The following MALRD1 variants were observed in gnomAD, a reference collection of about 807,000 sequenced individuals.
MALRD1 encodes MAM and LDL-receptor class A domain-containing protein 1.
In MALRD1, 247 loss-of-function variants were observed where a neutral mutation model predicts 242.1. The ratio of observed to expected loss-of-function variants is 1.02; its 90% CI spans 0.92 to 1.13. The LOEUF (loss-of-function observed/expected upper bound fraction) is 1.13, where lower values mean the gene tolerates loss of function less well. MALRD1 is among the 50% of genes most tolerant of loss of function. The pLI, the probability that MALRD1 is intolerant of heterozygous loss-of-function variation, is 0.00. For missense variants in MALRD1, 2,989 were observed against 2,533.1 expected, an observed-to-expected ratio of 1.18 and a Z score of -3.86; for synonymous variants, 995 against 866.6, an observed-to-expected ratio of 1.15 and a Z score of -2.60.
At chr10:19,643,230 G>A (rs891235183) in intron 36 of MALRD1, among the ~76,000 whole-genome samples, 3 of 152,090 alleles carry the variant, frequency 2.0e-5, no homozygotes, top group African/African-American at 4.8e-5. Context: ...TCGGGAGTTC[G>A]TGACCAGCCT....
chr10:19,469,960 C>T (rs148128527), intron 29 of MALRD1, among the ~76,000 whole-genome samples: 1 of 152,090 alleles, frequency 6.6e-6, no homozygotes, highest in East Asian at 1.9e-4. Flanking sequence ...ATGGTAAAAA[C>T]ACTAAACATA....
intron 5 of MALRD1, among the ~76,000 whole-genome samples, chr10:19,115,180 G>T (rs1235606834): frequency 6.6e-6 from 1 of 152,170 alleles, no homozygotes; most frequent in East Asian, 1.9e-4. Context: ...TGCTTACCCT[G>T]CCTCCCCTGC....
intron 29 of MALRD1, among the ~76,000 whole-genome samples, chr10:19,469,637 C>G (rs574130745): frequency 4.6e-5 from 7 of 152,088 alleles, no homozygotes; most frequent in African/African-American, 1.7e-4. Flanking sequence ...AAACCTCATC[C>G]ACACAGAATT....
In MALRD1 at chr10:19,692,256, A is replaced by G. The variant is rs1049794323; in HGVS notation, c.6138-26A>G. Reference sequence around the variant, plus strand: ...TATCTTTTCACTTTTCTTTTTTCCAACTATTTTATTTTATCTCCTTTCCAG... The same window carrying G: ...TATCTTTTCACTTTTCTTTTTTCCAGCTATTTTATTTTATCTCCTTTCCAG... On this transcript the variant is annotated intron_variant, in intron 36 of 39. Transcript: ENST00000454679. 8.6e-6 allele frequency: 13 copies of G among 1,504,396 alleles called. No individual in the cohort carries two copies. The African/African-American group carries it at 1.4e-4, about 16-fold the overall frequency. 93.2% of individuals were successfully genotyped at this position (1,504,396 alleles called of 1,614,324 possible).
At chr10:19,340,221 A>G (rs1350728683) in intron 24 of MALRD1, among the ~76,000 whole-genome samples, 1 of 152,156 alleles carries the variant, frequency 6.6e-6, no homozygotes, top group Non-Finnish European at 1.5e-5. Context: ...TAATCACATC[A>G]CAGAGAATGG....
intron 21 of MALRD1, among the ~76,000 whole-genome samples, chr10:19,314,602 T>C (rs186477011): frequency 6.6e-6 from 1 of 151,786 alleles, no homozygotes; most frequent in East Asian, 1.9e-4. Context: ...GCTGAATCTT[T>C]ATCTGTAGAA....
chr10:19,220,006 C>T (rs1256760832), intron 18 of MALRD1, among the ~76,000 whole-genome samples: 4 of 152,100 alleles, frequency 2.6e-5, no homozygotes, highest in Non-Finnish European at 5.9e-5. Context: ...CAATTTTAAA[C>T]CTAGACAGTT....
chr10:19,379,694 C>T (rs1845755065), intron 26 of MALRD1, among the ~76,000 whole-genome samples: 4 of 152,004 alleles, frequency 2.6e-5, no homozygotes, highest in African/African-American at 7.2e-5. Flanking sequence ...GTTTTATGGC[C>T]TTTTATATGG....
At chr10:19,446,951 A>G (rs1835017495) in intron 28 of MALRD1, among the ~76,000 whole-genome samples, 1 of 152,122 alleles carries the variant, frequency 6.6e-6, no homozygotes, top group African/African-American at 2.4e-5. Flanking sequence ...AAATCAGGAT[A>G]TTAAGTAAAT....
At chr10:19,393,964 C>T (rs1284324715) in intron 28 of MALRD1, among the ~76,000 whole-genome samples, 2 of 152,130 alleles carry the variant, frequency 1.3e-5, no homozygotes, top group Non-Finnish European at 2.9e-5. Context: ...AGAGCATTAT[C>T]TTCTTTTGGA....
Position 19,209,640 on chromosome 10 carries a change from T to C in MALRD1, c.2951T>C (p.Ile984Thr). The C allele has an allele frequency of 6.4e-7, 1 of 1,550,904 alleles. No homozygotes were observed. The highest frequency in any genetic ancestry group is 1.2e-5 in the South Asian group (1 of 84,038). Residue 984 changes from isoleucine (I) to threonine (T), a missense_variant, in exon 18 of 40, where the codon ATT becomes ACT. By Grantham distance (89) the Ile-to-Thr change is moderately conservative (BLOSUM62 -1). Transcript: ENST00000454679. ...QIFGNQGNRW[I>T]RKHLNISSRQ... ...TTTGGGAATCAAGGCAACAGATGGATTAGGAAACACCTCAACATTTCCAGC... is the reference window on the plus strand; with the variant it reads ...TTTGGGAATCAAGGCAACAGATGGACTAGGAAACACCTCAACATTTCCAGC...
intron 36 of MALRD1, among the ~76,000 whole-genome samples, chr10:19,650,627 T>C (rs112714982): frequency 1.6e-4 from 24 of 152,310 alleles, no homozygotes; most frequent in African/African-American, 5.5e-4. Context: ...AATGGAATTA[T>C]ATTGTTGTGA....
chr10:19,171,453 T>C (rs1251753588), intron 13 of MALRD1, among the ~76,000 whole-genome samples: 5 of 72,044 alleles, frequency 6.9e-5, no homozygotes, highest in Admixed American at 1.8e-4. Context: ...TATATATATA[T>C]ATATACACAC....
intron 5 of MALRD1, among the ~76,000 whole-genome samples, chr10:19,106,439 A>C (rs1836466008): frequency 6.6e-6 from 1 of 151,860 alleles, no homozygotes; most frequent in Non-Finnish European, 1.5e-5. Flanking sequence ...ATGGTTGTTC[A>C]TAATGGTCTT....
At chr10:19,230,524 C>T (rs1838004783) in intron 18 of MALRD1, among the ~76,000 whole-genome samples, 1 of 152,152 alleles carries the variant, frequency 6.6e-6, no homozygotes, top group South Asian at 2.1e-4. Flanking sequence ...CATGAACTCA[C>T]AGGGTAAGAA....
At chr10:19,514,916 A>AT (rs1833560690) in intron 31 of MALRD1, among the ~76,000 whole-genome samples, 2 of 152,044 alleles carry the variant, frequency 1.3e-5, no homozygotes, top group South Asian at 2.1e-4. Context: ...ATAAATGCTT[A>AT]TTTTTTTGGA....
intron 21 of MALRD1, among the ~76,000 whole-genome samples, chr10:19,286,667 G>C (rs1215271734): frequency 6.6e-6 from 1 of 151,654 alleles, no homozygotes; most frequent in African/African-American, 2.4e-5. Context: ...CTGAAATTGT[G>C]ACAATAATCA....
chr10:19,128,853 C>T (rs947014985), intron 8 of MALRD1, among the ~76,000 whole-genome samples: 1 of 152,018 alleles, frequency 6.6e-6, no homozygotes, highest in Admixed American at 6.6e-5. Flanking sequence ...TAGAGTGAGT[C>T]CATTCTTCTT....
At chr10:19,218,142 T>C (rs1837403059) in intron 18 of MALRD1, among the ~76,000 whole-genome samples, 1 of 152,142 alleles carries the variant, frequency 6.6e-6, no homozygotes, top group Admixed American at 6.6e-5. Context: ...TATAAGAGGC[T>C]TCAATAATTA....
Sources: allele counts gnomAD v4.1 joint callset (sites outside exome capture counted in the v4.1 genomes callset), GRCh38; gene constraint gnomAD v4.1.1; transcripts MANE v1.5; gene names NCBI Gene and HGNC (gene_info 2026-07-23, HGNC 2026-07-21).